RASGEF1A: variants seen among roughly 807,000 people sequenced by gnomAD.
RASGEF1A encodes RasGEF domain family member 1A, also known as ras-GEF domain-containing family member 1A.
Under a neutral mutation model 56.4 loss-of-function variants are expected in RASGEF1A, and 18 were observed. The ratio of observed to expected loss-of-function variants is 0.32; its 90% CI spans 0.22 to 0.47. The LOEUF (loss-of-function observed/expected upper bound fraction) is 0.47. Ranked by LOEUF, RASGEF1A falls within the 20% of genes least tolerant of loss-of-function variation. RASGEF1A has a pLI of 1.00. For missense variants in RASGEF1A, 422 were observed against 627.1 expected (o/e 0.67, Z 3.49); for synonymous variants, 245 against 242.6 (o/e 1.01, Z -0.09).
At position 43,206,034 on chromosome 10, in the gene RASGEF1A, C is replaced by T. The variant is rs779612084; in HGVS notation, c.83G>A (p.Gly28Glu). The T allele has an allele frequency of 6.2e-7, 1 of 1,610,176 alleles. No homozygotes were observed. The highest frequency in any genetic ancestry group is 1.3e-5 in the African/African-American group (1 of 75,022). Residue 28 changes from glycine to glutamate, a missense_variant, in exon 2 of 13, where the codon GGA becomes GAA. Gly to Glu is a moderately conservative substitution (Grantham distance 98). Transcript: ENST00000395810. ...CCCGGAGCCGCCACCGGCCCCGCCT[C>T]CACGCTCCCCCATGCCAGGCTGCAC... ...GQVQPGMGER[G>E]GGAGGGSGDL...
chr10:43,261,456 T>C (rs1836527774), intron 1 of RASGEF1A, among the ~76,000 whole-genome samples: 1 of 152,160 alleles, frequency 6.6e-6, no homozygotes, highest in African/African-American at 2.4e-5. Flanking sequence ...CCACCAATGC[T>C]CACCTGGCCT....
chr10:43,262,287 C>T (rs1316081090), intron 1 of RASGEF1A, among the ~76,000 whole-genome samples: 1 of 152,200 alleles, frequency 6.6e-6, no homozygotes, highest in African/African-American at 2.4e-5. Flanking sequence ...CCATGGCAAC[C>T]AGATCCAGGG....
intron 2 of RASGEF1A, among the ~76,000 whole-genome samples, chr10:43,204,803 T>C (rs1425257118): frequency 6.6e-6 from 1 of 152,164 alleles, no homozygotes; most frequent in East Asian, 1.9e-4. Flanking sequence ...GGTAGGCCTC[T>C]GAGAAGGGTG....
At chr10:43,210,560 C>A (rs1840052267) in intron 1 of RASGEF1A, among the ~76,000 whole-genome samples, 1 of 152,206 alleles carries the variant, frequency 6.6e-6, no homozygotes, top group Non-Finnish European at 1.5e-5. Flanking sequence ...AGACACCGTG[C>A]CTGACCCCTG....
intron 1 of RASGEF1A, among the ~76,000 whole-genome samples, chr10:43,266,287 C>T (rs1158847495): frequency 1.3e-4 from 20 of 152,190 alleles, no homozygotes; most frequent in Admixed American, 8.5e-4. Flanking sequence ...ATGACCCTTG[C>T]CCAGCAGGGA....
chr10:43,262,793 G>A (rs546347687), intron 1 of RASGEF1A, among the ~76,000 whole-genome samples: 1 of 152,230 alleles, frequency 6.6e-6, no homozygotes, highest in African/African-American at 2.4e-5. Flanking sequence ...CCCTGAGTAG[G>A]GGAACAGACT....
intron 1 of RASGEF1A, among the ~76,000 whole-genome samples, chr10:43,257,860 A>G (rs1485273776): frequency 6.6e-6 from 1 of 152,180 alleles, no homozygotes; most frequent in Non-Finnish European, 1.5e-5. Context: ...GTCCCCTAGG[A>G]CTGACAGACA....
intron 1 of RASGEF1A, among the ~76,000 whole-genome samples, chr10:43,231,030 G>T (rs1234768517): frequency 1.3e-5 from 2 of 152,244 alleles, no homozygotes; most frequent in Non-Finnish European, 1.5e-5. Context: ...ACTGCTCAGA[G>T]CATGCACTAT....
chr10:43,221,870 G>A (rs1312769596), intron 1 of RASGEF1A, among the ~76,000 whole-genome samples: 1 of 152,246 alleles, frequency 6.6e-6, no homozygotes. Flanking sequence ...ACAGGTGTGG[G>A]GCTGAGGACA....
intron 1 of RASGEF1A, among the ~76,000 whole-genome samples, chr10:43,222,992 A>G (rs76816912): frequency 0.069 from 10,175 of 148,494 alleles, 925 homozygotes; most frequent in African/African-American, 0.21. Flanking sequence ...AGTAAGAAAA[A>G]CACTTTATTG....
intron 1 of RASGEF1A, among the ~76,000 whole-genome samples, chr10:43,233,664 C>A (rs948557312): frequency 6.6e-6 from 1 of 152,154 alleles, no homozygotes; most frequent in Admixed American, 6.5e-5. Context: ...CAGCTGCTGG[C>A]GGCGCGGCAG....
intron 1 of RASGEF1A, among the ~76,000 whole-genome samples, chr10:43,265,542 A>T (rs577519983): frequency 3.1e-4 from 47 of 152,370 alleles, no homozygotes; most frequent in African/African-American, 9.6e-4. Flanking sequence ...CATCCAGCCA[A>T]GGTCCTCCAT....
chr10:43,247,945 TC>T (rs1397923472), intron 1 of RASGEF1A, among the ~76,000 whole-genome samples: 1 of 151,502 alleles, frequency 6.6e-6, no homozygotes, highest in Non-Finnish European at 1.5e-5. Flanking sequence ...ACACCTGTAA[TC>T]CCAGCACTTT....
chr10:43,217,110 C>A (rs1042245528), intron 1 of RASGEF1A, among the ~76,000 whole-genome samples: 6 of 152,172 alleles, frequency 3.9e-5, no homozygotes, highest in Non-Finnish European at 8.8e-5. Flanking sequence ...ATGTCACTCA[C>A]TGGCAGGGGA....
chr10:43,246,044 TA>T, intron 1 of RASGEF1A, among the ~76,000 whole-genome samples: 1 of 152,056 alleles, frequency 6.6e-6, no homozygotes, highest in Admixed American at 6.6e-5. Flanking sequence ...CACACACTAT[TA>T]GAACTAATAA....
intron 4 of RASGEF1A, 34 bp downstream of exon 4, chr10:43,201,774 C>A: frequency 6.5e-7 from 1 of 1,537,978 alleles, no homozygotes; most frequent in South Asian, 1.2e-5. Flanking sequence ...GGCACACACC[C>A]AAAGACCCTG....
intron 1 of RASGEF1A, among the ~76,000 whole-genome samples, chr10:43,239,900 G>A (rs1399088819): frequency 6.6e-6 from 1 of 151,250 alleles, no homozygotes; most frequent in East Asian, 2.0e-4. Flanking sequence ...AGTGAAGCAA[G>A]CAATAGACTA....
chr10:43,259,203 T>TGCTG lies in RASGEF1A; in HGVS notation c.-7+7638_-7+7641dup, dbSNP rs1255966972. On this transcript the variant is annotated intron_variant, in intron 1 of 12. Coordinates refer to ENST00000395810, the MANE Select transcript of RASGEF1A (RefSeq NM_145313.4). Reference sequence around the variant, plus strand: ...GACAGATATCCATGCAGTGTGGCAGTGCTGTGGGATGCAGGAGCAGGCTGG... The same window carrying TGCTG: ...GACAGATATCCATGCAGTGTGGCAGTGCTGGCTGTGGGATGCAGGAGCAGGCTGG... 2.0e-5 allele frequency among the ~76,000 whole-genome samples: 3 copies of TGCTG among 152,220 alleles called. No homozygotes were observed. In the East Asian group the frequency reaches 5.8e-4, roughly 29 times the overall value.
At chr10:43,264,255 C>T (rs994245941) in intron 1 of RASGEF1A, among the ~76,000 whole-genome samples, 2 of 151,844 alleles carry the variant, frequency 1.3e-5, no homozygotes, top group African/African-American at 4.8e-5. Context: ...CCAGAGCCCA[C>T]TCTCACATAC....
Sources: allele counts gnomAD v4.1 joint callset (sites outside exome capture counted in the v4.1 genomes callset), GRCh38; gene constraint gnomAD v4.1.1; transcripts MANE v1.5; gene names NCBI Gene and HGNC (gene_info 2026-07-23, HGNC 2026-07-21).